The following PROZ variants were observed in gnomAD, a reference collection of about 807,000 sequenced individuals.
PROZ encodes vitamin K-dependent protein Z.
In PROZ, 46 loss-of-function variants were observed where a neutral mutation model predicts 34.9. The ratio of observed to expected loss-of-function variants is 1.32; its 90% confidence interval spans 1.04 to 1.69. PROZ has a LOEUF of 1.69. Among genes scored for constraint, PROZ ranks in the 40% most tolerant of loss-of-function variants. The pLI is 0.00. For synonymous variants in PROZ, 195 were observed against 208.5 expected (o/e 0.94, Z 0.56); for missense variants, 530 against 520.4 (o/e 1.02, Z -0.18).
chr13:113,170,762 C>G (rs1489378241), intron 7 of PROZ, among the ~76,000 whole-genome samples: 1 of 152,038 alleles, frequency 6.6e-6, no homozygotes, highest in Admixed American at 6.6e-5. Flanking sequence ...GAGGAAATCA[C>G]AGCCTACATA....
At chr13:113,169,911 CTCTGT>C (rs2037058375) in intron 6 of PROZ, among the ~76,000 whole-genome samples, 1 of 152,222 alleles carries the variant, frequency 6.6e-6, no homozygotes, top group Non-Finnish European at 1.5e-5. Flanking sequence ...CTCTGCCGGA[CTCTGT>C]TCTGCAGGAC....
At position 113,171,470 on chromosome 13, in the gene PROZ, T is replaced by A; in HGVS notation, c.692-124T>A. On this transcript the variant is annotated intron_variant, in intron 7 of 7. Transcript: ENST00000375547. This position sits in a 1 kb window ranked among gnomAD's most constrained non-coding sequence, Gnocchi z 5.1. ...GCACAGTGTCCACACCACGGGGCGG[T>A]GAGCCTGCGGGTCCTCCAGGGCCGG... 1 of 1,224,898 alleles carries A rather than the reference T, an allele frequency of 8.2e-7. No individual in the cohort carries two copies. Among genetic ancestry groups the A allele is most frequent in the Non-Finnish European group, 1.2e-6 (1 of 862,760 alleles). 75.9% of individuals were successfully genotyped at this position (1,224,898 alleles called of 1,614,324 possible).
In PROZ at chr13:113,171,585, T is replaced by C. The variant is rs1300161882; in HGVS notation, c.692-9T>C. 4.3e-6 allele frequency: 7 copies of C among 1,613,956 alleles called. No individual in the cohort carries two copies. The highest frequency in any genetic ancestry group is 5.9e-6 in the Non-Finnish European group (7 of 1,180,042). ...ACTGTAAAGAACTGACGATTGTTCA[T>C]GATTTCAGATTTTAACAGAACGAGC... On this transcript the variant is annotated splice_polypyrimidine_tract_variant and intron_variant, in intron 7 of 7. Coordinates refer to ENST00000375547, the MANE Select transcript of PROZ (RefSeq NM_003891.3). This position sits in a 1 kb window ranked among gnomAD's most constrained non-coding sequence, Gnocchi z 5.1.
chr13:113,161,007 A>G (rs2036750140), intron 3 of PROZ, 35 bp downstream of exon 3: 1 of 1,585,264 alleles, frequency 6.3e-7, no homozygotes, highest in South Asian at 1.1e-5. Context: ...AGAAGTATTA[A>G]TTCCTCGGGA....
rs2036729397 is a variant in PROZ at position 113,159,824 on chromosome 13, G to T, written c.71-190G>T. On this transcript the variant is annotated intron_variant, in intron 1 of 7. Transcript: ENST00000375547. This position sits in a 1 kb window ranked among gnomAD's most constrained non-coding sequence, Gnocchi z 4.6. Reference sequence around the variant, plus strand: ...CACTGATCCTGGGGCTGATCCATTCGCCCAGAGGATGAAGTGCTTGCCTAC... The same window carrying T: ...CACTGATCCTGGGGCTGATCCATTCTCCCAGAGGATGAAGTGCTTGCCTAC... 6.6e-6 allele frequency among the ~76,000 whole-genome samples: 1 copy of T among 152,198 alleles called. No individual in the cohort carries two copies. The highest frequency in any genetic ancestry group is 1.5e-5 in the Non-Finnish European group (1 of 68,034).
At chr13:113,167,442 A>G (rs1024121022) in intron 6 of PROZ, among the ~76,000 whole-genome samples, 2 of 152,188 alleles carry the variant, frequency 1.3e-5, no homozygotes, top group African/African-American at 4.8e-5. Context: ...AACACTTAAC[A>G]CTTCCAGAGC....
At position 113,164,546 on chromosome 13, in the gene PROZ, G is replaced by T. The variant is rs564027353; in HGVS notation, c.407G>T (p.Gly136Val). ...KNECHPERTDGCQHFCLPGQE... is the reference protein window; with the variant it reads ...KNECHPERTDVCQHFCLPGQE... ...GAATGTCACCCAGAGCGGACTGATG[G>T]GTGTCAACACTTCTGCCTCCCAGGA... is the stretch of plus-strand genomic sequence containing the variant. Residue 136 changes from glycine to valine, a missense_variant, in exon 5 of 8, where the codon GGG becomes GTG. Physicochemically the swap from Gly to Val is moderately radical, Grantham distance 109 (BLOSUM62 -3). Coordinates refer to ENST00000375547, the MANE Select transcript of PROZ (RefSeq NM_003891.3). 1.2e-6 allele frequency: 2 copies of T among 1,613,788 alleles called. No individual in the cohort carries two copies. The highest frequency in any genetic ancestry group is 4.5e-5 in the East Asian group (2 of 44,868).
At position 113,159,370 on chromosome 13, in the gene PROZ, T is replaced by TA. The variant is rs2036721198; in HGVS notation, c.70+641dup. 1.6e-6 allele frequency: 2 copies of TA among 1,231,620 alleles called. No individual in the cohort carries two copies. Among genetic ancestry groups the TA allele is most frequent in the Non-Finnish European group, 2.3e-6 (2 of 868,424 alleles). 76.3% of individuals were successfully genotyped at this position (1,231,620 alleles called of 1,614,324 possible). On this transcript the variant is annotated intron_variant, in intron 1 of 7. Coordinates refer to ENST00000375547, the MANE Select transcript of PROZ (RefSeq NM_003891.3). This position sits in a 1 kb window ranked among gnomAD's most constrained non-coding sequence, Gnocchi z 4.6. ...CCCCCGCCCTGCCCTGCCCAGCACT[T>TA]ACCGTAGCCGGACTTAGCTGAGCCC...
rs201055839 is a variant in PROZ at position 113,160,956 on chromosome 13, C to T, written c.243C>T (p.Phe81=). 1.8e-5 allele frequency: 29 copies of T among 1,605,060 alleles called. No homozygotes were observed. In the East Asian group the frequency reaches 6.2e-4, roughly 35 times the overall value. Residue 81 remains phenylalanine (F), a synonymous_variant, in exon 3 of 8, where the codon TTC becomes TTT. Transcript: ENST00000375547. ...VFENEVVTDE[F]WRRYKGGSPC... is the part of the protein sequence containing the mutation. ...ATGTTTTAACTCTAAAGGATGAATT[C>T]TGGAGACGATATAAGGGTAAGTGGT...
In PROZ at chr13:113,159,419, G is replaced by A. The variant is rs905348390; in HGVS notation, c.71-595G>A. ...CCCCCCTGCTGTAACCCTCAGCACC[G>A]AGAGAAAAGGAGGGAGGATGGGAAG... On this transcript the variant is annotated intron_variant, in intron 1 of 7. Coordinates refer to ENST00000375547, the MANE Select transcript of PROZ (RefSeq NM_003891.3). This position sits in a 1 kb window ranked among gnomAD's most constrained non-coding sequence, Gnocchi z 4.6. Among the ~76,000 whole-genome samples, 5 of 151,690 alleles carry A rather than the reference G, an allele frequency of 3.3e-5. No homozygotes were observed. Among genetic ancestry groups the A allele is most frequent in the East Asian group, 1.9e-4 (1 of 5,144 alleles).
chr13:113,169,180 T>TATCA (rs2037037555), intron 6 of PROZ, among the ~76,000 whole-genome samples: 1 of 152,258 alleles, frequency 6.6e-6, no homozygotes, highest in African/African-American at 2.4e-5. Context: ...TTACTTTTGA[T>TATCA]AGTTTCTGTT....
chr13:113,164,932 G>A, intron 5 of PROZ, 121 bp from the exon 6 acceptor site: 2 of 1,060,660 alleles, frequency 1.9e-6, no homozygotes, highest in South Asian at 2.7e-5. Context: ...CAGCATTAAG[G>A]ATAAGATTAT....
chr13:113,163,068 T>TG lies in PROZ; in HGVS notation c.323dup (p.Tyr109LeufsTer10), dbSNP rs1463539779. Reference sequence around the variant, plus strand: ...CAACGGCTCTTGCCAGGACAGCATCTGGGGCTACACCTGCACCTGCTCCCC... The same window carrying TG: ...CAACGGCTCTTGCCAGGACAGCATCTGGGGGCTACACCTGCACCTGCTCCCC... On this transcript the variant is annotated frameshift_variant, in exon 4 of 8. Transcript: ENST00000375547. LOFTEE classifies it high-confidence loss of function. 3.2e-6 allele frequency: 5 copies of TG among 1,562,930 alleles called. No individual in the cohort carries two copies. The highest frequency in any genetic ancestry group is 4.3e-6 in the Non-Finnish European group (5 of 1,152,920).
chr13:113,170,469 A>G lies in PROZ; in HGVS notation c.630A>G (p.Glu210=), dbSNP rs766624909. The change falls in exon 7 of 8, where the codon GAA becomes GAG. Residue 210 remains glutamate, a synonymous_variant. Coordinates refer to ENST00000375547, the MANE Select transcript of PROZ (RefSeq NM_003891.3). ...KDFCGGVIIR[E]NFVLTTAKCS... ...TCTGTGGTGGTGTTATAATACGGGA[A>G]AATTTTGTACTGACAACAGCAAAAT... is the stretch of plus-strand genomic sequence containing the variant. 6.2e-7 allele frequency: 1 copy of G among 1,611,754 alleles called. No homozygotes were observed. Among genetic ancestry groups the G allele is most frequent in the East Asian group, 2.2e-5 (1 of 44,876 alleles).
chr13:113,165,197 T>G (rs1406740176), intron 6 of PROZ, 77 bp downstream of exon 6: 109 of 1,462,618 alleles, frequency 7.5e-5, no homozygotes, highest in Non-Finnish European at 1.0e-4. Context: ...AATAGAAATG[T>G]TGACAACTAA....
At chr13:113,170,248 T>C (rs547411625) in intron 6 of PROZ, among the ~76,000 whole-genome samples, 165 bp from the exon 7 acceptor site, 52 of 137,734 alleles carry the variant, frequency 3.8e-4, no homozygotes, top group Admixed American at 1.5e-3. Context: ...TTAACAATCC[T>C]GTACCATTTG....
At chr13:113,164,698 A>G in intron 5 of PROZ, 54 bp downstream of exon 5, 2 of 1,606,260 alleles carry the variant, frequency 1.2e-6, no homozygotes, top group Non-Finnish European at 1.7e-6. Context: ...GACCCCGTCC[A>G]CATCCTCCTT....
chr13:113,165,511 G>C (rs1362463468), intron 6 of PROZ, among the ~76,000 whole-genome samples: 1 of 152,142 alleles, frequency 6.6e-6, no homozygotes, highest in African/African-American at 2.4e-5. Flanking sequence ...GGCTGGTTTA[G>C]AAGTTAACCA....
intron 6 of PROZ, chr13:113,166,212 T>TAA (rs1401776842): frequency 2.0e-5 from 3 of 152,252 alleles, no homozygotes; most frequent in African/African-American, 7.2e-5. Context: ...ATAATGTAAG[T>TAA]AAAAGCATGT....
Sources: allele counts gnomAD v4.1 joint callset (sites outside exome capture counted in the v4.1 genomes callset), GRCh38; gene constraint gnomAD v4.1.1; non-coding constraint Gnocchi (gnomAD v3.1); transcripts MANE v1.5; gene names NCBI Gene and HGNC (gene_info 2026-07-23, HGNC 2026-07-21).